Variants in DCC observed in about 807,000 individuals in gnomAD.
DCC encodes DCC netrin 1 receptor.
DCC carries 58 observed loss-of-function variants against 172.5 expected under a neutral mutation model. The observed-to-expected ratio is 0.34, with a 90% CI of 0.27 to 0.42. The LOEUF is 0.42. Ranked by LOEUF, DCC falls within the 10% of genes least tolerant of loss-of-function variation. DCC has a pLI of 1.00. For synonymous variants in DCC, 709 were observed against 644.5 expected, an observed-to-expected ratio of 1.10 and a Z score of -1.52; for missense variants, 1,740 against 1,791.0, an observed-to-expected ratio of 0.97 and a Z score of 0.51.
rs529914352 is a variant in DCC at position 52,428,812 on chromosome 18, T to C, written c.91+87934T>C. Among the ~76,000 whole-genome samples, 4 of 152,256 alleles carry C rather than the reference T, an allele frequency of 2.6e-5. No homozygotes were observed. The South Asian group carries it at 8.3e-4, about 32-fold the overall frequency. ...TCAGCAGGTATGTTATTAATCCAAC[T>C]GTATTTTCTCTAACCCCTGGAAACA... On this transcript the variant is annotated intron_variant, in intron 1 of 28. Transcript: ENST00000442544.
chr18:52,497,314 T>TATAC lies in DCC; in HGVS notation c.91+156437_91+156438insTACA, dbSNP rs1281625390. Among the ~76,000 whole-genome samples, 8 of 73,976 alleles carry TATAC rather than the reference T, an allele frequency of 1.1e-4. 1 individual carries two copies. The highest frequency in any genetic ancestry group is 4.0e-4 in the African/African-American group (8 of 19,788). 48.5% of individuals were successfully genotyped at this position (73,976 alleles called of 152,430 possible). A position where few individuals can be genotyped will look rare whatever the true frequency, so the allele number is the denominator to read the frequency against. On this transcript the variant is annotated intron_variant, in intron 1 of 28. Coordinates refer to ENST00000442544, the MANE Select transcript of DCC (RefSeq NM_005215.4). The stretch of plus-strand genomic sequence containing the variant: ...ATATATATATATATATATATATATA[T>TATAC]ACACACACACATATATATACACACG...
intron 5 of DCC, among the ~76,000 whole-genome samples, chr18:53,011,000 G>A (rs1395370741): frequency 6.6e-6 from 1 of 151,146 alleles, no homozygotes; most frequent in African/African-American, 2.4e-5. Context: ...ATATTAAATA[G>A]TAGCACTTAC....
chr18:52,601,247 A>G (rs1490868050), intron 1 of DCC, among the ~76,000 whole-genome samples: 3 of 152,044 alleles, frequency 2.0e-5, no homozygotes, highest in South Asian at 4.1e-4. Flanking sequence ...CCTACCTACA[A>G]TCTATTATAC....
chr18:53,229,682 A>G (rs2056092083), intron 12 of DCC, among the ~76,000 whole-genome samples: 1 of 152,016 alleles, frequency 6.6e-6, no homozygotes, highest in Admixed American at 6.6e-5. Flanking sequence ...TTAATAGCTT[A>G]CTTCTAGAGA....
At chr18:53,497,918 C>G (rs149249289) in intron 26 of DCC, among the ~76,000 whole-genome samples, 210 of 152,128 alleles carry the variant, frequency 1.4e-3, no homozygotes, top group African/African-American at 4.8e-3. Flanking sequence ...TGATTCATTT[C>G]CCTTGTTCAA....
chr18:52,422,070 G>T (rs1370880594), intron 1 of DCC, among the ~76,000 whole-genome samples: 1 of 152,066 alleles, frequency 6.6e-6, no homozygotes, highest in Non-Finnish European at 1.5e-5. Flanking sequence ...AGAAAAATGA[G>T]AAAATATTTG....
At chr18:52,979,503 G>C (rs192906993) in intron 5 of DCC, among the ~76,000 whole-genome samples, 173 of 152,314 alleles carry the variant, frequency 1.1e-3, no homozygotes, top group Non-Finnish European at 1.8e-3. Flanking sequence ...AACTCACTCA[G>C]GTTGCAGCTG....
chr18:52,664,429 A>G (rs1203576386), intron 1 of DCC, among the ~76,000 whole-genome samples: 1 of 150,574 alleles, frequency 6.6e-6, no homozygotes, highest in Non-Finnish European at 1.5e-5. Context: ...TGCTCCATAA[A>G]TCAGTTCAGT....
intron 5 of DCC, among the ~76,000 whole-genome samples, chr18:53,054,769 C>G (rs1227101075): frequency 6.6e-6 from 1 of 152,138 alleles, no homozygotes; most frequent in African/African-American, 2.4e-5. Context: ...TTCATTCCCA[C>G]AGCACATACA....
Position 52,414,314 on chromosome 18 carries a change from C to A in DCC, c.91+73436C>A, listed in dbSNP as rs2144411145. On this transcript the variant is annotated intron_variant, in intron 1 of 28. Transcript: ENST00000442544. ...GGCCAGGCTGGTCTTGAACTCCTGA[C>A]CTCAGGTGATCCACCCACCTCAGCC... is the stretch of plus-strand genomic sequence containing the variant. Among the ~76,000 whole-genome samples, 3 of 152,194 alleles carry A rather than the reference C, an allele frequency of 2.0e-5. No homozygotes were observed. In the East Asian group the frequency reaches 5.8e-4, roughly 29 times the overall value.
At chr18:52,573,048 T>A (rs2033336623) in intron 1 of DCC, among the ~76,000 whole-genome samples, 1 of 152,166 alleles carries the variant, frequency 6.6e-6, no homozygotes, top group African/African-American at 2.4e-5. Flanking sequence ...CCGTATGTAA[T>A]GTGATAGAAA....
chr18:53,459,374 C>A lies in DCC; in HGVS notation c.3535C>A (p.Pro1179Thr). ...CACTGACCCTGCAGGAAGGGACTCT[C>A]CCATCCAAAGTTGCCAAGACCTCAC... ...SGTDPAGRDS[P>T]IQSCQDLTPV... is the part of the protein sequence containing the mutation. The change falls in exon 24 of 29, where the codon CCC becomes ACC. Residue 1179 changes from proline to threonine, a missense_variant. Physicochemically the swap from Pro to Thr is conservative, Grantham distance 38. Around this residue, in one of 2 missense-constraint regions of DCC, gnomAD observed 1,732 missense variants for 1,767.4 expected, o/e 0.98. Coordinates refer to ENST00000442544, the MANE Select transcript of DCC (RefSeq NM_005215.4). 3 of 1,613,972 alleles carry A rather than the reference C, an allele frequency of 1.9e-6. No homozygotes were observed. The highest frequency in any genetic ancestry group is 2.2e-5 in the South Asian group (2 of 91,064).
chr18:52,606,481 T>C (rs908939494), intron 1 of DCC, among the ~76,000 whole-genome samples: 1 of 152,162 alleles, frequency 6.6e-6, no homozygotes, highest in African/African-American at 2.4e-5. Flanking sequence ...ACATACGTGA[T>C]CATTATTCTA....
chr18:52,421,342 G>C (rs1987241254), intron 1 of DCC, among the ~76,000 whole-genome samples: 1 of 152,300 alleles, frequency 6.6e-6, no homozygotes, highest in South Asian at 2.1e-4. Context: ...CAGGGATAAC[G>C]ATGGCAGGTC....
At chr18:53,078,035 C>T (rs879409795) in intron 7 of DCC, among the ~76,000 whole-genome samples, 15 of 152,104 alleles carry the variant, frequency 9.9e-5, no homozygotes, top group African/African-American at 2.2e-4. Flanking sequence ...AGAGTAAATT[C>T]GATATAACTA....
intron 5 of DCC, among the ~76,000 whole-genome samples, chr18:53,056,494 C>T (rs1312220355): frequency 1.3e-5 from 2 of 152,080 alleles, no homozygotes; most frequent in South Asian, 2.1e-4. Flanking sequence ...AACAATGGCT[C>T]CTTAAAGTGA....
intron 26 of DCC, among the ~76,000 whole-genome samples, chr18:53,490,430 C>CAGTT (rs1477705714): frequency 6.6e-6 from 1 of 151,868 alleles, no homozygotes; most frequent in East Asian, 1.9e-4. Flanking sequence ...AATATTTTCC[C>CAGTT]AGTTATTCTG....
chr18:53,468,380 T>TTTTATTTATTTATTTTA (rs1555675980), intron 25 of DCC, among the ~76,000 whole-genome samples: 37 of 135,174 alleles, frequency 2.7e-4, no homozygotes, highest in East Asian at 1.6e-3. Context: ...TATTTATTTA[T>TTTTATTTATTTATTTTA]TTTATTTATT....
intron 7 of DCC, among the ~76,000 whole-genome samples, chr18:53,106,076 A>G (rs548424079): frequency 9.2e-5 from 14 of 151,848 alleles, no homozygotes; most frequent in African/African-American, 2.9e-4. Context: ...TGGGTATATC[A>G]GAGCCCCCCA....
Sources: gnomAD v4.1 joint callset for allele counts (sites outside exome capture counted in the v4.1 genomes callset) on GRCh38, gnomAD v4.1.1 for gene constraint, gnomAD v4.1.1 regional missense constraint, MANE v1.5 for transcripts, NCBI Gene and HGNC (gene_info 2026-07-23, HGNC 2026-07-21) for gene names.